Variants in ERC2 observed in about 807,000 individuals in gnomAD.
ERC2 encodes ELKS/RAB6-interacting/CAST family member 2, also known as ERC protein 2.
ERC2 carries 42 observed loss-of-function variants against 114.8 expected under a neutral mutation model. That is an observed-to-expected ratio of 0.37 (90% CI 0.29 to 0.47). ERC2 has a LOEUF of 0.47. ERC2 is among the 20% of genes least tolerant of loss of function. The pLI is 0.99. For synonymous variants in ERC2, 454 were observed against 425.5 expected, an observed-to-expected ratio of 1.07 and a Z score of -0.82; for missense variants, 939 against 1,150.7, an observed-to-expected ratio of 0.82 and a Z score of 2.66.
chr3:56,281,234 G>A (rs13326964), intron 3 of ERC2, among the ~76,000 whole-genome samples: 21 of 151,546 alleles, frequency 1.4e-4, no homozygotes, highest in African/African-American at 4.1e-4. Context: ...TCAGGAGATC[G>A]AGACCATCCC....
chr3:55,601,031 C>T (rs913844018), intron 17 of ERC2, among the ~76,000 whole-genome samples: 2 of 152,226 alleles, frequency 1.3e-5, no homozygotes, highest in Non-Finnish European at 2.9e-5. Flanking sequence ...GGTTCGCACA[C>T]CATGCGGACG....
At chr3:55,730,789 C>T (rs542438378) in intron 15 of ERC2, among the ~76,000 whole-genome samples, 6 of 152,158 alleles carry the variant, frequency 3.9e-5, no homozygotes, top group Non-Finnish European at 7.4e-5. Context: ...AGGTAGTGGC[C>T]GAAGTGAGCT....
chr3:56,150,558 G>C (rs1171996481), intron 4 of ERC2, among the ~76,000 whole-genome samples: 2 of 152,050 alleles, frequency 1.3e-5, no homozygotes, highest in Non-Finnish European at 2.9e-5. Context: ...ATTAGGAAAT[G>C]GAACATTCTG....
chr3:55,530,570 C>T (rs1473683364), intron 17 of ERC2, among the ~76,000 whole-genome samples: 1 of 152,208 alleles, frequency 6.6e-6, no homozygotes, highest in Non-Finnish European at 1.5e-5. Context: ...TCTCCCTCAG[C>T]TCATCTCCTA....
At chr3:56,022,747 G>C (rs150027055) in intron 7 of ERC2, among the ~76,000 whole-genome samples, 3 of 152,268 alleles carry the variant, frequency 2.0e-5, no homozygotes, top group African/African-American at 7.2e-5. Context: ...GTTTTTTTGA[G>C]AAATTTCATA....
intron 17 of ERC2, among the ~76,000 whole-genome samples, chr3:55,670,538 G>A (rs556126490): frequency 2.6e-5 from 4 of 152,206 alleles, no homozygotes; most frequent in South Asian, 4.1e-4. Context: ...ACAAGCAACC[G>A]CCCTGCAGCT....
At position 55,683,930 on chromosome 3, in the gene ERC2, G is replaced by A. The variant is rs948013308; in HGVS notation, c.2848-71C>T. On this transcript the variant is annotated intron_variant, in intron 16 of 17. Transcript: ENST00000288221. ...ACCAGAATGAAAGAAGAGAAGGTTA[G>A]TTACACCGAGATGCACTGGAAAGGC... The A allele has an allele frequency of 2.6e-6, 4 of 1,539,804 alleles. No individual in the cohort carries two copies. The African/African-American group carries it at 5.6e-5, about 21-fold the overall frequency.
chr3:55,603,095 T>C (rs1458344320), intron 17 of ERC2, among the ~76,000 whole-genome samples: 1 of 152,140 alleles, frequency 6.6e-6, no homozygotes, highest in Non-Finnish European at 1.5e-5. Context: ...CTTTACCAGG[T>C]AAGGAGAAGC....
chr3:55,852,230 C>T (rs901785319), intron 14 of ERC2, among the ~76,000 whole-genome samples: 8 of 151,978 alleles, frequency 5.3e-5, no homozygotes, highest in Admixed American at 5.2e-4. Context: ...GAAAACAAAA[C>T]AAAACAAAAA....
intron 17 of ERC2, among the ~76,000 whole-genome samples, chr3:55,516,049 G>A (rs990170969): frequency 6.6e-6 from 1 of 152,174 alleles, no homozygotes; most frequent in African/African-American, 2.4e-5. Flanking sequence ...TACAAAAACA[G>A]ACACCCATTC....
chr3:56,113,113 C>T (rs1420002202), intron 6 of ERC2, among the ~76,000 whole-genome samples: 1 of 152,178 alleles, frequency 6.6e-6, no homozygotes, highest in Non-Finnish European at 1.5e-5. Flanking sequence ...AATTAACTAT[C>T]TGACAGGGCC....
At chr3:55,621,173 T>C (rs2059312446) in intron 17 of ERC2, among the ~76,000 whole-genome samples, 1 of 151,026 alleles carries the variant, frequency 6.6e-6, no homozygotes, top group African/African-American at 2.5e-5. Context: ...CCAGCCAGAG[T>C]TGGTTTCTTT....
rs570892257 is a variant in ERC2 at position 55,934,387 on chromosome 3, A to G, written c.2403+16038T>C. On this transcript the variant is annotated intron_variant, in intron 13 of 17. Coordinates refer to ENST00000288221, the MANE Select transcript of ERC2 (RefSeq NM_015576.3). The stretch of plus-strand genomic sequence containing the variant: ...CAGTAATTGTGACTGTCATTTCCAG[A>G]GTACACTCCCATGCATAAAGAACTG... Among the ~76,000 whole-genome samples, 16 of 152,318 alleles carry G rather than the reference A, an allele frequency of 1.1e-4. No individual in the cohort carries two copies. In the East Asian group the frequency reaches 2.9e-3, roughly 28 times the overall value.
chr3:55,681,875 G>A (rs2062071444), intron 17 of ERC2, among the ~76,000 whole-genome samples: 1 of 152,172 alleles, frequency 6.6e-6, no homozygotes, highest in African/African-American at 2.4e-5. Flanking sequence ...TCATATCTCA[G>A]GGTGTCATGA....
At position 55,524,383 on chromosome 3, in the gene ERC2, C is replaced by G. The variant is rs1044070302; in HGVS notation, c.*40-13107G>C. On this transcript the variant is annotated intron_variant, in intron 17 of 17. Coordinates refer to ENST00000288221, the MANE Select transcript of ERC2 (RefSeq NM_015576.3). ...GGAACCCCAAGCTTCCCCAAAACTG[C>G]AAATTCCCTGCCTCCAACCTGGGGC... Among the ~76,000 whole-genome samples, 5 of 152,106 alleles carry G rather than the reference C, an allele frequency of 3.3e-5. No individual in the cohort carries two copies. The South Asian group carries it at 1.0e-3, about 32-fold the overall frequency.
intron 3 of ERC2, among the ~76,000 whole-genome samples, chr3:56,216,523 T>A (rs947974130): frequency 1.1e-4 from 17 of 152,166 alleles, no homozygotes; most frequent in African/African-American, 3.6e-4. Flanking sequence ...CCAAAAACAG[T>A]CCAGAACCAG....
chr3:55,692,915 G>A (rs569412234), intron 16 of ERC2, among the ~76,000 whole-genome samples: 2 of 152,320 alleles, frequency 1.3e-5, no homozygotes, highest in Non-Finnish European at 2.9e-5. Flanking sequence ...ATCTAGGCAT[G>A]GGTTCTTTAG....
At chr3:55,604,290 G>A (rs1010091155) in intron 17 of ERC2, among the ~76,000 whole-genome samples, 6 of 152,002 alleles carry the variant, frequency 3.9e-5, no homozygotes, top group East Asian at 1.9e-4. Flanking sequence ...CACCTGAGAC[G>A]TGTGAAAGGC....
intron 14 of ERC2, among the ~76,000 whole-genome samples, chr3:55,753,615 A>G (rs1008630747): frequency 2.6e-5 from 4 of 152,190 alleles, no homozygotes; most frequent in Non-Finnish European, 4.4e-5. Flanking sequence ...CAAACTCATC[A>G]AGTTGGTGTA....
Sources: gnomAD v4.1 joint callset for allele counts (sites outside exome capture counted in the v4.1 genomes callset) on GRCh38, gnomAD v4.1.1 for gene constraint, MANE v1.5 for transcripts, NCBI Gene and HGNC (gene_info 2026-07-23, HGNC 2026-07-21) for gene names.